Variants in SYT1 observed in about 807,000 individuals in gnomAD.
SYT1 encodes synaptotagmin-1.
SYT1 carries 8 observed loss-of-function variants against 44.8 expected under a neutral mutation model. That is an observed-to-expected ratio of 0.18 (90% CI 0.10 to 0.32). The LOEUF is 0.32. Ranked by LOEUF, SYT1 falls within the 10% of genes least tolerant of loss-of-function variation. SYT1 has a pLI of 1.00. For synonymous variants in SYT1, 154 were observed against 188.8 expected, an observed-to-expected ratio of 0.82 and a Z score of 1.51; for missense variants, 286 against 509.3, an observed-to-expected ratio of 0.56 and a Z score of 4.22.
intron 3 of SYT1, among the ~76,000 whole-genome samples, chr12:79,201,940 TG>T (rs1295406459): frequency 2.0e-5 from 3 of 152,144 alleles, no homozygotes; most frequent in Non-Finnish European, 4.4e-5. Flanking sequence ...TCAGTAAGTA[TG>T]AAAAAAGTCT....
intron 2 of SYT1, among the ~76,000 whole-genome samples, chr12:79,026,667 T>TTATTTATA (rs1555190336): frequency 3.3e-4 from 34 of 102,258 alleles, no homozygotes; most frequent in African/African-American, 1.3e-3. Flanking sequence ...CATATATATT[T>TTATTTATA]TATATATATA....
chr12:79,150,026 A>C (rs1213618696), intron 3 of SYT1, among the ~76,000 whole-genome samples: 1 of 152,152 alleles, frequency 6.6e-6, no homozygotes, highest in Non-Finnish European at 1.5e-5. Flanking sequence ...TTTTATTTTT[A>C]ATTTATAAAT....
intron 2 of SYT1, among the ~76,000 whole-genome samples, chr12:78,990,289 G>C (rs529798233): frequency 5.9e-5 from 9 of 152,214 alleles, no homozygotes; most frequent in African/African-American, 1.9e-4. Flanking sequence ...TAAAAAGCAG[G>C]CCTCTATCCT....
chr12:78,956,721 A>C (rs138449145), intron 1 of SYT1, among the ~76,000 whole-genome samples: 2 of 152,108 alleles, frequency 1.3e-5, no homozygotes. Context: ...AGCTTATGGA[A>C]AATGTAGTTA....
intron 4 of SYT1, among the ~76,000 whole-genome samples, chr12:79,259,157 T>C (rs543360012): frequency 7.1e-4 from 108 of 152,302 alleles, no homozygotes; most frequent in African/African-American, 2.6e-3. Context: ...CTGGTCTTCC[T>C]CTCTGTCCTC....
At chr12:79,332,465 T>A (rs1247534281) in intron 8 of SYT1, among the ~76,000 whole-genome samples, 1 of 152,210 alleles carries the variant, frequency 6.6e-6, no homozygotes, top group Non-Finnish European at 1.5e-5. Flanking sequence ...TGATCTTGAC[T>A]TTCTCTGTAA....
chr12:78,889,609 T>C (rs541251240), intron 1 of SYT1, among the ~76,000 whole-genome samples: 2 of 150,520 alleles, frequency 1.3e-5, no homozygotes, highest in African/African-American at 2.4e-5. Flanking sequence ...GGAATTAGTA[T>C]TGATTAGAGT....
chr12:79,252,971 TC>T (rs1877303986), intron 4 of SYT1, among the ~76,000 whole-genome samples: 1 of 152,074 alleles, frequency 6.6e-6, no homozygotes, highest in Non-Finnish European at 1.5e-5. Flanking sequence ...AGCAATACAA[TC>T]AGGAAGTGGA....
At chr12:79,349,130 G>A (rs373321545) in intron 8 of SYT1, among the ~76,000 whole-genome samples, 4 of 148,778 alleles carry the variant, frequency 2.7e-5, no homozygotes, top group African/African-American at 1.0e-4. Context: ...AGGAAGGTAG[G>A]AAGGAAGAGG....
intron 3 of SYT1, among the ~76,000 whole-genome samples, chr12:79,125,086 T>C (rs1480011550): frequency 6.6e-6 from 1 of 152,048 alleles, no homozygotes. Flanking sequence ...AACATATGCA[T>C]CCTTGCGTCT....
At chr12:78,876,382 A>G (rs1488099806) in intron 1 of SYT1, among the ~76,000 whole-genome samples, 1 of 150,520 alleles carries the variant, frequency 6.6e-6, no homozygotes, top group South Asian at 2.1e-4. Flanking sequence ...AGCCTCAATC[A>G]TAAATGTTCC....
chr12:79,137,147 G>A (rs545352957), intron 3 of SYT1, among the ~76,000 whole-genome samples: 9 of 151,564 alleles, frequency 5.9e-5, no homozygotes, highest in African/African-American at 2.2e-4. Context: ...CCAGCCTGGA[G>A]TGCAATGGTG....
intron 4 of SYT1, among the ~76,000 whole-genome samples, chr12:79,230,305 A>C (rs962619616): frequency 1.3e-5 from 2 of 152,092 alleles, no homozygotes; most frequent in Non-Finnish European, 2.9e-5. Flanking sequence ...AAATCTAAAC[A>C]TGCTTTTTAG....
At chr12:78,976,832 A>C (rs1302921377) in intron 1 of SYT1, among the ~76,000 whole-genome samples, 2 of 152,146 alleles carry the variant, frequency 1.3e-5, no homozygotes, top group Admixed American at 1.3e-4. Flanking sequence ...CAAAGCCTCA[A>C]TTCTTAATTG....
chr12:79,053,225 G>T (rs1380916128), intron 3 of SYT1, among the ~76,000 whole-genome samples: 3 of 152,114 alleles, frequency 2.0e-5, no homozygotes, highest in African/African-American at 7.2e-5. Flanking sequence ...GATGAAGCTG[G>T]AAACCATCAT....
At chr12:79,353,689 A>T in intron 9 of SYT1, 70 bp downstream of exon 9, 1 of 1,095,642 alleles carries the variant, frequency 9.1e-7, no homozygotes, top group Non-Finnish European at 1.4e-6. Context: ...CATGGCGCAC[A>T]TGCTGCGACT....
intron 9 of SYT1, among the ~76,000 whole-genome samples, chr12:79,433,234 T>C (rs1869901676): frequency 6.6e-6 from 1 of 152,112 alleles, no homozygotes; most frequent in African/African-American, 2.4e-5. Context: ...GCCAAACCAA[T>C]TGTAGAACTG....
At chr12:79,171,510 G>A (rs900362841) in intron 3 of SYT1, among the ~76,000 whole-genome samples, 1 of 151,966 alleles carries the variant, frequency 6.6e-6, no homozygotes, top group African/African-American at 2.4e-5. Flanking sequence ...AACTATAGAA[G>A]AGGAAGAATC....
At chr12:79,393,074 G>A (rs1055300836) in intron 9 of SYT1, 1 of 151,002 alleles carries the variant, frequency 6.6e-6, no homozygotes, top group Non-Finnish European at 1.5e-5. Flanking sequence ...CTGTCCTCGT[G>A]GTATTTTGCT....
Sources: gnomAD v4.1 joint callset for allele counts (sites outside exome capture counted in the v4.1 genomes callset) on GRCh38, gnomAD v4.1.1 for gene constraint, MANE v1.5 for transcripts, NCBI Gene and HGNC (gene_info 2026-07-23, HGNC 2026-07-21) for gene names.